Variants in MTDH observed in about 807,000 individuals in gnomAD.
The protein encoded by MTDH is metadherin.
Under a neutral mutation model 72.7 loss-of-function variants are expected in MTDH, and 34 were observed. The ratio of observed to expected loss-of-function variants is 0.47; its 90% confidence interval spans 0.36 to 0.62. MTDH has a LOEUF of 0.62. Ranked by LOEUF, MTDH falls within the 20% of genes least tolerant of loss-of-function variation. MTDH has a pLI of 0.00. For synonymous variants in MTDH, 266 were observed against 268.9 expected (o/e 0.99, Z 0.10); for missense variants, 677 against 699.4 (o/e 0.97, Z 0.36).
intron 6 of MTDH, among the ~76,000 whole-genome samples, chr8:97,695,188 AACCTC>A (rs1325795340): frequency 2.0e-5 from 3 of 149,790 alleles, no homozygotes; most frequent in Non-Finnish European, 4.4e-5. Context: ...GGCTCACTGC[AACCTC>A]ACCTCCCGGG....
At chr8:97,722,375 G>A (rs928482165) in intron 10 of MTDH, among the ~76,000 whole-genome samples, 2 of 152,220 alleles carry the variant, frequency 1.3e-5, no homozygotes, top group Non-Finnish European at 2.9e-5. Context: ...GCTGAGGCAG[G>A]CGGATCACGA....
intron 6 of MTDH, among the ~76,000 whole-genome samples, chr8:97,694,877 C>G (rs1029702761): frequency 6.6e-6 from 1 of 151,686 alleles, no homozygotes. Flanking sequence ...GAGCCAAGGT[C>G]GAGCCACTGC....
intron 7 of MTDH, among the ~76,000 whole-genome samples, chr8:97,702,222 C>T (rs1814160959): frequency 6.6e-6 from 1 of 152,136 alleles, no homozygotes; most frequent in Non-Finnish European, 1.5e-5. Flanking sequence ...TATTGTAACC[C>T]ATGTAAAAAG....
intron 8 of MTDH, among the ~76,000 whole-genome samples, chr8:97,712,141 A>G (rs551545740): frequency 1.3e-5 from 2 of 152,278 alleles, no homozygotes; most frequent in East Asian, 3.9e-4. Context: ...AGGTTCAAGC[A>G]GTTCTCCCAT....
chr8:97,710,003 G>A (rs575236284), intron 8 of MTDH, among the ~76,000 whole-genome samples: 2 of 152,146 alleles, frequency 1.3e-5, no homozygotes, highest in Non-Finnish European at 2.9e-5. Flanking sequence ...ACTGAAGAAA[G>A]TCCTTGTGAC....
At chr8:97,678,537 A>T (rs1355147168) in intron 2 of MTDH, among the ~76,000 whole-genome samples, 1 of 144,288 alleles carries the variant, frequency 6.9e-6, no homozygotes. Flanking sequence ...CGAGTCATAC[A>T]TTTTTTCTCC....
intron 1 of MTDH, among the ~76,000 whole-genome samples, chr8:97,645,211 A>C (rs573578563): frequency 2.4e-4 from 37 of 152,324 alleles, no homozygotes; most frequent in South Asian, 1.7e-3. Context: ...TCCTTCCTTG[A>C]GGCCTGCAGA....
At chr8:97,647,222 A>T (rs906625334) in intron 1 of MTDH, among the ~76,000 whole-genome samples, 13 of 152,204 alleles carry the variant, frequency 8.5e-5, no homozygotes, top group African/African-American at 2.7e-4. Flanking sequence ...GTTTCTCCCC[A>T]GGGAGCTTTT....
chr8:97,693,452 G>A (rs1813701859), intron 6 of MTDH, among the ~76,000 whole-genome samples: 1 of 152,052 alleles, frequency 6.6e-6, no homozygotes, highest in Admixed American at 6.6e-5. Context: ...TCCTGCCTCA[G>A]CCTCCTAAGT....
At chr8:97,662,411 A>G (rs1812209149) in intron 2 of MTDH, among the ~76,000 whole-genome samples, 1 of 151,848 alleles carries the variant, frequency 6.6e-6, no homozygotes, top group African/African-American at 2.4e-5. Context: ...AACAAAAACA[A>G]AACAAGACAG....
In MTDH at chr8:97,722,916, C is replaced by T; in HGVS notation, c.1559C>T (p.Pro520Leu). ...KTLPPATSTE[P>L]SVILSKSDSD... ...CTTCCACCTGCTACTTCTACCGAGC[C>T]ATCTGTAATCTTATCAAAAAGTGAT... Residue 520 changes from proline (P) to leucine (L), a missense_variant, in exon 11 of 12, where the codon CCA becomes CTA. Pro to Leu is a moderately conservative substitution (Grantham distance 98). Transcript: ENST00000336273. 6.2e-7 allele frequency: 1 copy of T among 1,613,070 alleles called. No homozygotes were observed. Among genetic ancestry groups the T allele is most frequent in the Non-Finnish European group, 8.5e-7 (1 of 1,179,542 alleles).
chr8:97,722,990 A>G lies in MTDH; in HGVS notation c.1633A>G (p.Lys545Glu). The change falls in exon 11 of 12, where the codon AAA becomes GAA. Residue 545 changes from lysine to glutamate, a missense_variant. Transcript: ENST00000336273. ...QVPPILQETD[K>E]SKSNTKQNSV... is the part of the protein sequence containing the mutation. ...GCCGCCAATACTACAAGAGACAGAT[A>G]AATCCAAGTCAAATACCAAGCAAAA... The G allele has an allele frequency of 1.9e-6, 3 of 1,614,166 alleles. No homozygotes were observed. The South Asian group carries it at 3.3e-5, about 18-fold the overall frequency.
intron 1 of MTDH, among the ~76,000 whole-genome samples, chr8:97,654,752 T>TACAC (rs531504303): frequency 1.3e-5 from 2 of 151,452 alleles, no homozygotes; most frequent in Admixed American, 6.6e-5. Flanking sequence ...ATTATATATA[T>TACAC]ACACACACAC....
chr8:97,656,150 G>GT (rs1405465309), intron 1 of MTDH, among the ~76,000 whole-genome samples: 5 of 152,174 alleles, frequency 3.3e-5, no homozygotes, highest in African/African-American at 1.2e-4. Flanking sequence ...TACAGTTTAC[G>GT]TAACTAAGTG....
At chr8:97,711,849 G>A (rs1814652762) in intron 8 of MTDH, among the ~76,000 whole-genome samples, 1 of 152,184 alleles carries the variant, frequency 6.6e-6, no homozygotes, top group Non-Finnish European at 1.5e-5. Context: ...GTCTTTCAAA[G>A]TACTTTAATA....
At chr8:97,675,559 CAAA>C (rs869166884) in intron 2 of MTDH, among the ~76,000 whole-genome samples, 4 of 50,982 alleles carry the variant, frequency 7.8e-5, no homozygotes, top group Non-Finnish European at 9.5e-5. Flanking sequence ...GACTCTGTCT[CAAA>C]AAAAAAAAAA....
intron 8 of MTDH, among the ~76,000 whole-genome samples, chr8:97,713,320 C>T (rs924441087): frequency 2.6e-5 from 4 of 151,912 alleles, no homozygotes; most frequent in African/African-American, 4.8e-5. Flanking sequence ...CTCCTGACCT[C>T]GTGATCCGCC....
chr8:97,723,405 A>G (rs1815216696), intron 11 of MTDH, among the ~76,000 whole-genome samples: 2 of 150,718 alleles, frequency 1.3e-5, no homozygotes, highest in Admixed American at 1.3e-4. Flanking sequence ...CTCAAAAAAA[A>G]AAACGTCTAA....
chr8:97,647,110 G>A (rs1379563066), intron 1 of MTDH, among the ~76,000 whole-genome samples: 1 of 152,166 alleles, frequency 6.6e-6, no homozygotes, highest in African/African-American at 2.4e-5. Context: ...ACTGTGCTAA[G>A]TATTGAAGAA....
Sources: allele counts gnomAD v4.1 joint callset (sites outside exome capture counted in the v4.1 genomes callset), GRCh38; gene constraint gnomAD v4.1.1; transcripts MANE v1.5; gene names NCBI Gene and HGNC (gene_info 2026-07-23, HGNC 2026-07-21).